The following ARID4B variants were observed in gnomAD, a reference collection of about 807,000 sequenced individuals.
ARID4B encodes AT-rich interactive domain-containing protein 4B.
In ARID4B, 26 loss-of-function variants were observed where a neutral mutation model predicts 147.5. The observed-to-expected ratio is 0.18, with a 90% confidence interval of 0.13 to 0.24. The LOEUF (loss-of-function observed/expected upper bound fraction) is 0.24, where lower values mean the gene tolerates loss of function less well. Among genes scored for constraint, ARID4B ranks in the 10% least tolerant of loss-of-function variants. The pLI is 1.00. For missense variants in ARID4B, 1,179 were observed against 1,511.5 expected, an observed-to-expected ratio of 0.78 and a Z score of 3.65; for synonymous variants, 512 against 507.9, an observed-to-expected ratio of 1.01 and a Z score of -0.11.
chr1:235,283,188 G>A (rs1671774224), intron 2 of ARID4B, among the ~76,000 whole-genome samples: 1 of 152,092 alleles, frequency 6.6e-6, no homozygotes, highest in South Asian at 2.1e-4. Context: ...ATTACCCACT[G>A]GTATAAAAGA....
intron 9 of ARID4B, among the ~76,000 whole-genome samples, chr1:235,231,539 T>A (rs1315510362): frequency 6.6e-6 from 1 of 152,174 alleles, no homozygotes; most frequent in Admixed American, 6.5e-5. Flanking sequence ...CAGACTGGAG[T>A]GCAGTGGCAC....
intron 5 of ARID4B, 141 bp from the exon 6 acceptor site, chr1:235,252,950 T>C (rs973012224): frequency 1.7e-6 from 1 of 583,758 alleles, no homozygotes; most frequent in Non-Finnish European, 2.9e-6. Flanking sequence ...TTATGTTTTC[T>C]AGTGAGTAAC....
rs1572047863 is a variant in ARID4B, at chr1:235,236,836, ATATATATATAT to A, written c.586-2355_586-2345del. 1.2e-3 allele frequency among the ~76,000 whole-genome samples: 30 copies of A among 24,792 alleles called. 4 individuals are homozygous for A. In the East Asian group the frequency reaches 0.046, roughly 38 times the overall value. The allele number at this position is 24,792 out of a possible 152,430, so 16.3% of individuals were successfully genotyped here. On this transcript the variant is annotated intron_variant, in intron 8 of 23. Transcript: ENST00000264183. Reference sequence around the variant, plus strand: ...CCCACAAAACGGTTTTATAAAAAATATATATATATATATATATATATATATATTTTTTTTTT... The same window carrying A: ...CCCACAAAACGGTTTTATAAAAAATAATATATATATATATATTTTTTTTTT...
intron 2 of ARID4B, among the ~76,000 whole-genome samples, chr1:235,271,968 A>AAATAAT (rs10666218): frequency 0.46 from 69,436 of 150,156 alleles, 16,334 homozygotes; most frequent in South Asian, 0.6. Context: ...TAATAATAAT[A>AAATAAT]AATAATAATA....
chr1:235,280,377 G>A (rs1043088525), intron 2 of ARID4B, among the ~76,000 whole-genome samples: 1 of 152,194 alleles, frequency 6.6e-6, no homozygotes, highest in African/African-American at 2.4e-5. Flanking sequence ...CAAACAAGGT[G>A]GAATACATAC....
chr1:235,318,157 A>C (rs1338697773), intron 2 of ARID4B, among the ~76,000 whole-genome samples: 1 of 147,604 alleles, frequency 6.8e-6, no homozygotes. Context: ...TAGTATTAAC[A>C]CTTGCTACTC....
intron 5 of ARID4B, among the ~76,000 whole-genome samples, chr1:235,253,381 C>T (rs1558248777): frequency 6.6e-6 from 1 of 152,144 alleles, no homozygotes. Context: ...CAGTAGCACC[C>T]CCTTCCCAGC....
intron 5 of ARID4B, among the ~76,000 whole-genome samples, chr1:235,253,788 CTG>C (rs1169258058): frequency 6.6e-6 from 1 of 152,080 alleles, no homozygotes; most frequent in Admixed American, 6.6e-5. Flanking sequence ...GACAGTAACT[CTG>C]TTTTAAATAA....
chr1:235,292,681 C>A (rs1450408089), intron 2 of ARID4B, among the ~76,000 whole-genome samples: 4 of 151,286 alleles, frequency 2.6e-5, no homozygotes, highest in Admixed American at 6.6e-5. Flanking sequence ...CCTAAAAAAT[C>A]TTTTTTTCAA....
At chr1:235,242,559 C>T (rs1229764060) in intron 7 of ARID4B, among the ~76,000 whole-genome samples, 1 of 152,200 alleles carries the variant, frequency 6.6e-6, no homozygotes, top group African/African-American at 2.4e-5. Flanking sequence ...GGTTTATGAA[C>T]ACTCTATTAT....
At chr1:235,267,998 G>T (rs972685115) in intron 2 of ARID4B, among the ~76,000 whole-genome samples, 1 of 152,102 alleles carries the variant, frequency 6.6e-6, no homozygotes, top group Non-Finnish European at 1.5e-5. Flanking sequence ...GTGGCACTAA[G>T]GACATGGATT....
At chr1:235,283,612 TTATTAA>T (rs936642374) in intron 2 of ARID4B, among the ~76,000 whole-genome samples, 39 of 152,180 alleles carry the variant, frequency 2.6e-4, no homozygotes, top group Middle Eastern at 3.4e-3. Flanking sequence ...AATTATAAAA[TTATTAA>T]TATTAAGTAC....
At chr1:235,196,729 T>C (rs1189467407) in intron 17 of ARID4B, among the ~76,000 whole-genome samples, 1 of 151,738 alleles carries the variant, frequency 6.6e-6, no homozygotes, top group Non-Finnish European at 1.5e-5. Flanking sequence ...GGTGGGGGCC[T>C]GTAGCCCCAG....
chr1:235,325,072 A>C (rs909269172), intron 2 of ARID4B, among the ~76,000 whole-genome samples: 7 of 152,220 alleles, frequency 4.6e-5, no homozygotes, highest in African/African-American at 1.7e-4. Context: ...TAAGAAATAA[A>C]GTTGTAAGAA....
chr1:235,194,800 C>A (rs1455737683), intron 18 of ARID4B, among the ~76,000 whole-genome samples: 1 of 151,952 alleles, frequency 6.6e-6, no homozygotes, highest in Non-Finnish European at 1.5e-5. Context: ...GCCTGGGCAA[C>A]AAGAGTGAAA....
chr1:235,303,138 T>C (rs1036038968), intron 2 of ARID4B, among the ~76,000 whole-genome samples: 12 of 151,918 alleles, frequency 7.9e-5, no homozygotes, highest in East Asian at 1.9e-4. Context: ...TTAGCCACGA[T>C]GGTCTCAATC....
chr1:235,314,934 AACTT>A (rs1438717028), intron 2 of ARID4B, among the ~76,000 whole-genome samples: 1 of 152,192 alleles, frequency 6.6e-6, no homozygotes, highest in Non-Finnish European at 1.5e-5. Flanking sequence ...TGTTCAATGA[AACTT>A]ACTAAAGTTA....
At chr1:235,219,029 C>T (rs1013563777) in intron 16 of ARID4B, among the ~76,000 whole-genome samples, 28 of 151,974 alleles carry the variant, frequency 1.8e-4, no homozygotes, top group African/African-American at 6.5e-4. Context: ...CCACGCCTGA[C>T]TTCTTTGTAT....
intron 2 of ARID4B, among the ~76,000 whole-genome samples, chr1:235,267,316 A>C: frequency 6.6e-6 from 1 of 152,232 alleles, no homozygotes; most frequent in East Asian, 1.9e-4. Context: ...ATCATTAATA[A>C]ATGTACTTAA....
Sources: allele counts gnomAD v4.1 joint callset (sites outside exome capture counted in the v4.1 genomes callset), GRCh38; gene constraint gnomAD v4.1.1; transcripts MANE v1.5; gene names NCBI Gene and HGNC (gene_info 2026-07-23, HGNC 2026-07-21).